HCRTR2: variants seen among roughly 807,000 people sequenced by gnomAD.
The protein encoded by HCRTR2 is orexin receptor type 2.
A neutral mutation model predicts 49.0 loss-of-function variants in HCRTR2; 22 were observed. The observed-to-expected ratio is 0.45, with a 90% CI of 0.32 to 0.64. HCRTR2 has a LOEUF of 0.64. HCRTR2 is among the 30% of genes least tolerant of loss of function. The pLI is 0.04. For synonymous variants in HCRTR2, 236 were observed against 205.3 expected, an observed-to-expected ratio of 1.15 and a Z score of -1.28; for missense variants, 491 against 559.4, an observed-to-expected ratio of 0.88 and a Z score of 1.23.
intron 1 of HCRTR2, among the ~76,000 whole-genome samples, chr6:55,106,960 T>A (rs961613321): frequency 1.3e-5 from 2 of 152,154 alleles, no homozygotes; most frequent in Non-Finnish European, 2.9e-5. Context: ...TATCTGTAAT[T>A]CAAGGAGTCA....
rs200780213 is a variant in HCRTR2 at position 55,277,465 on chromosome 6, A to C, written c.848A>C (p.Lys283Thr). Reference sequence around the variant, plus strand: ...CCTCGAGGGCCAGGACAGCCAACGAAGTCCCGGATGAGCGCTGTGGCGGCT... The same window carrying C: ...CCTCGAGGGCCAGGACAGCCAACGACGTCCCGGATGAGCGCTGTGGCGGCT... ...SQPRGPGQPT[K>T]SRMSAVAAEI... Residue 283 changes from lysine (K) to threonine (T), a missense_variant, in exon 5 of 7, where the codon AAG (lysine) becomes ACG (threonine). Lys to Thr is a moderately conservative substitution (Grantham distance 78). Transcript: ENST00000370862. 3.7e-5 allele frequency: 60 copies of C among 1,614,126 alleles called. No homozygotes were observed. The highest frequency in any genetic ancestry group is 5.0e-5 in the Non-Finnish European group (59 of 1,179,994).
At chr6:55,223,762 C>T (rs771654715) in intron 1 of HCRTR2, among the ~76,000 whole-genome samples, 9 of 151,738 alleles carry the variant, frequency 5.9e-5, no homozygotes, top group Non-Finnish European at 1.3e-4. Flanking sequence ...CAGAAAAATT[C>T]GGGCAACTTA....
intron 5 of HCRTR2, 149 bp from the exon 6 acceptor site, chr6:55,280,174 T>C: frequency 1.6e-6 from 1 of 622,676 alleles, no homozygotes; most frequent in East Asian, 2.6e-5. Context: ...CTGAAGTTAT[T>C]CTAAACCAAT....
intron 2 of HCRTR2, 58 bp from the exon 3 acceptor site, chr6:55,255,076 TAA>T: frequency 7.6e-6 from 12 of 1,579,342 alleles, no homozygotes; most frequent in South Asian, 1.1e-5. Context: ...GTAAATATAT[TAA>T]GAGTAATTCT....
intron 1 of HCRTR2, among the ~76,000 whole-genome samples, chr6:55,132,439 G>T (rs1201437366): frequency 6.6e-6 from 1 of 151,800 alleles, no homozygotes; most frequent in Admixed American, 6.6e-5. Flanking sequence ...TATGTGCCAG[G>T]GGCACAAGAA....
intron 1 of HCRTR2, among the ~76,000 whole-genome samples, chr6:55,207,911 G>A (rs1336475362): frequency 6.6e-6 from 1 of 152,126 alleles, no homozygotes; most frequent in African/African-American, 2.4e-5. Context: ...TACAACTACA[G>A]ATAGAGGAAC....
chr6:55,161,122 TAACA>T (rs1362379083), intron 1 of HCRTR2, among the ~76,000 whole-genome samples: 1 of 152,102 alleles, frequency 6.6e-6, no homozygotes, highest in Non-Finnish European at 1.5e-5. Context: ...ACTAAAATCA[TAACA>T]AACAGTCTCT....
At chr6:55,170,720 C>T (rs1764936864), upstream of HCRTR2, among the ~76,000 whole-genome samples, 2 of 21,910 alleles carry the variant, frequency 9.1e-5, no homozygotes, top group African/African-American at 2.2e-4. Flanking sequence ...TCTCCTAATG[C>T]TATCCCTCCC....
intron 1 of HCRTR2, among the ~76,000 whole-genome samples, chr6:55,195,583 G>A (rs1039302444): frequency 6.6e-5 from 10 of 152,086 alleles, no homozygotes; most frequent in East Asian, 1.9e-4. Context: ...GAGTAGAATC[G>A]GAATGTTGCT....
chr6:55,282,891 G>GT (rs200854328), downstream of HCRTR2, among the ~76,000 whole-genome samples: 5 of 151,922 alleles, frequency 3.3e-5, no homozygotes, highest in Non-Finnish European at 7.4e-5. Context: ...TGACTTAATA[G>GT]TTTTTTTAAA....
chr6:55,264,038 T>G (rs1581865499), intron 4 of HCRTR2: 1 of 503,388 alleles, frequency 2.0e-6, no homozygotes, highest in Admixed American at 3.6e-5. Flanking sequence ...TGTCTAGGCA[T>G]TTTTAGAGTA....
At chr6:55,229,780 T>A (rs1002036801) in intron 1 of HCRTR2, among the ~76,000 whole-genome samples, 1 of 152,106 alleles carries the variant, frequency 6.6e-6, no homozygotes, top group Non-Finnish European at 1.5e-5. Flanking sequence ...TAGTTTGAAT[T>A]ATGAAAAAAT....
chr6:55,254,991 GA>G, intron 2 of HCRTR2, 144 bp from the exon 3 acceptor site: 1 of 704,600 alleles, frequency 1.4e-6, no homozygotes, highest in Non-Finnish European at 2.3e-6. Flanking sequence ...TTTTTAAATA[GA>G]AAGCACTTGC....
chr6:55,250,842 G>T (rs1373612057), intron 2 of HCRTR2, among the ~76,000 whole-genome samples: 1 of 152,090 alleles, frequency 6.6e-6, no homozygotes, highest in Non-Finnish European at 1.5e-5. Context: ...TTCCTTAGCT[G>T]CTCCTCTTCT....
At chr6:55,107,261 T>C (rs1278601122) in intron 1 of HCRTR2, among the ~76,000 whole-genome samples, 3 of 152,136 alleles carry the variant, frequency 2.0e-5, no homozygotes, top group Non-Finnish European at 4.4e-5. Flanking sequence ...TGAAAAAATA[T>C]TCAAATACTA....
chr6:55,236,559 T>C (rs972025424), intron 1 of HCRTR2, among the ~76,000 whole-genome samples: 2 of 152,116 alleles, frequency 1.3e-5, no homozygotes, highest in African/African-American at 4.8e-5. Flanking sequence ...CAATGCTAAA[T>C]AGAAATTACC....
rs201752572 is a variant in HCRTR2, at chr6:55,282,262, C to T, written c.1143C>T (p.Cys381=). The T allele has an allele frequency of 2.2e-5, 35 of 1,613,678 alleles. No individual in the cohort carries two copies. The highest frequency in any genetic ancestry group is 2.8e-5 in the Non-Finnish European group (33 of 1,179,888). The part of the protein sequence containing the change: ...FREEFKAAFS[C]CCLGVHHRQE... ...AGGAATTTAAAGCTGCGTTTTCTTG[C>T]TGTTGCCTTGGAGTTCACCATCGCC... The change falls in exon 7 of 7, where the codon TGC becomes TGT. Residue 381 remains cysteine (C), a synonymous_variant. Coordinates refer to ENST00000370862, the MANE Select transcript of HCRTR2 (RefSeq NM_001384272.1).
In HCRTR2 at chr6:55,255,235, C is replaced by T. The variant is rs141639071; in HGVS notation, c.502C>T (p.Arg168Trp). The change falls in exon 3 of 7, where the codon CGG becomes TGG. Residue 168 changes from arginine (R) to tryptophan (W), a missense_variant. Coordinates refer to ENST00000370862, the MANE Select transcript of HCRTR2 (RefSeq NM_001384272.1). The stretch of plus-strand genomic sequence containing the variant: ...TTTGATGTTTAAGAGCACAGCAAAG[C>T]GGGCCCGTAACAGCATTGTCATCAT... ...HPLMFKSTAK[R>W]ARNSIVIIWI... is the part of the protein sequence containing the mutation. 3.8e-5 allele frequency: 61 copies of T among 1,613,952 alleles called. No individual in the cohort carries two copies. The highest frequency in any genetic ancestry group is 1.8e-4 in the East Asian group (8 of 44,868).
chr6:55,165,744 AATATATATATATATATATAT>A (rs56655240), intron 1 of HCRTR2, among the ~76,000 whole-genome samples: 24,957 of 128,358 alleles, frequency 0.19, 2,815 homozygotes, highest in East Asian at 0.37. Context: ...TAGTATACAG[AATATATATATATATATATAT>A]ATATATATAT....
Sources: allele counts gnomAD v4.1 joint callset (sites outside exome capture counted in the v4.1 genomes callset), GRCh38; gene constraint gnomAD v4.1.1; transcripts MANE v1.5; gene names NCBI Gene and HGNC (gene_info 2026-07-23, HGNC 2026-07-21).